The following DNAH14 variants were observed in gnomAD, a reference collection of about 807,000 sequenced individuals.
DNAH14 encodes axonemal beta dynein heavy chain 14.
Under a neutral mutation model 520.9 loss-of-function variants are expected in DNAH14, and 478 were observed. The observed-to-expected ratio is 0.92, with a 90% CI of 0.85 to 0.99. DNAH14 has a LOEUF of 0.99. Ranked by LOEUF, DNAH14 falls within the 50% of genes least tolerant of loss-of-function variation. The pLI, the probability that DNAH14 is intolerant of heterozygous loss-of-function variation, is 0.00. For missense variants in DNAH14, 4,831 were observed against 5,234.5 expected (o/e 0.92, Z 2.38); for synonymous variants, 1,581 against 1,757.2 (o/e 0.90, Z 2.51).
rs1231698935 is a variant in DNAH14 at position 225,345,956 on chromosome 1, C to T, written c.10679-6C>T. 3 of 1,537,232 alleles carry T rather than the reference C, an allele frequency of 2.0e-6. No homozygotes were observed. The highest frequency in any genetic ancestry group is 2.1e-5 in the Admixed American group (1 of 47,834). ...TTATTTAACTTCACTTTTTGTTTGT[C>T]TTTAGGATCCATATTAGATGATGAC... On this transcript the variant is annotated splice_polypyrimidine_tract_variant and splice_region_variant and intron_variant, in intron 69 of 85. Transcript: ENST00000682510.
intron 20 of DNAH14, 146 bp from the exon 21 acceptor site, chr1:225,085,398 T>A (rs937700615): frequency 1.4e-6 from 1 of 701,806 alleles, no homozygotes; most frequent in Non-Finnish European, 2.4e-6. Flanking sequence ...GACCATGAAG[T>A]TGCTGGTAAG....
rs150571874 is a variant in DNAH14 at position 224,964,213 on chromosome 1, T to G, written c.368-266T>G. Among the ~76,000 whole-genome samples the G allele has an allele frequency of 5.3e-5, 8 of 152,262 alleles. No individual in the cohort carries two copies. The East Asian group carries it at 1.5e-3, about 29-fold the overall frequency. ...GAAAAGCCGTATAACCAGTTCCTAT[T>G]CCTAGTCTCTTCTCTTGTTACTACC... is the stretch of plus-strand genomic sequence containing the variant. On this transcript the variant is annotated intron_variant, in intron 4 of 85. Transcript: ENST00000682510.
Position 225,111,564 on chromosome 1 carries a change from G to A in DNAH14, c.3868-6120G>A, listed in dbSNP as rs148033283. The stretch of plus-strand genomic sequence containing the variant: ...TTTCTTATTGGGAGCAGATTGTTGA[G>A]TCTTTTTTTTTAATCTATTCAGCCA... On this transcript the variant is annotated intron_variant, in intron 23 of 85. Coordinates refer to ENST00000682510, the MANE Select transcript of DNAH14 (RefSeq NM_001367479.1). 1.9e-3 allele frequency among the ~76,000 whole-genome samples: 293 copies of A among 151,826 alleles called. 2 individuals are homozygous for A. The highest frequency in any genetic ancestry group is 0.017 in the Admixed American group (261 of 15,242).
intron 21 of DNAH14, among the ~76,000 whole-genome samples, chr1:225,091,629 A>T (rs957787602): frequency 2.0e-5 from 3 of 152,074 alleles, no homozygotes; most frequent in African/African-American, 7.2e-5. Flanking sequence ...TAAAATACAC[A>T]CTTAAATACA....
intron 4 of DNAH14, chr1:224,960,962 A>G (rs1197350593): frequency 6.6e-6 from 1 of 152,136 alleles, no homozygotes; most frequent in Non-Finnish European, 1.5e-5. Flanking sequence ...GGTGGTGTTC[A>G]TGCCCTTGTA....
intron 27 of DNAH14, among the ~76,000 whole-genome samples, chr1:225,137,324 C>CT (rs1202176009): frequency 1.3e-5 from 2 of 151,732 alleles, no homozygotes; most frequent in Non-Finnish European, 1.5e-5. Context: ...TTTGTGGGGT[C>CT]TTTTTTTGTT....
At chr1:225,200,645 C>A (rs1354732066) in intron 38 of DNAH14, among the ~76,000 whole-genome samples, 3 of 152,096 alleles carry the variant, frequency 2.0e-5, no homozygotes, top group African/African-American at 7.2e-5. Context: ...AAATTCTTGG[C>A]TGATAATTGT....
intron 77 of DNAH14, among the ~76,000 whole-genome samples, chr1:225,370,207 G>A (rs1018949909): frequency 1.3e-5 from 2 of 152,066 alleles, no homozygotes; most frequent in Admixed American, 6.6e-5. Flanking sequence ...GCTTGAACCC[G>A]GGAGGTGGAG....
chr1:225,331,990 A>G (rs892406031), intron 65 of DNAH14, among the ~76,000 whole-genome samples: 4 of 152,118 alleles, frequency 2.6e-5, no homozygotes, highest in Admixed American at 2.6e-4. Flanking sequence ...AGTGAAAGTA[A>G]GTTTATTAAG....
intron 17 of DNAH14, 110 bp downstream of exon 17, chr1:225,051,905 A>G: frequency 1.3e-6 from 1 of 771,086 alleles, no homozygotes; most frequent in Non-Finnish European, 1.9e-6. Context: ...GCAGAGTATG[A>G]TAAAGGTGAA....
intron 83 of DNAH14, among the ~76,000 whole-genome samples, chr1:225,390,140 A>G (rs2095888490): frequency 6.6e-6 from 1 of 152,072 alleles, no homozygotes; most frequent in Admixed American, 6.6e-5. Context: ...TCTCTCTGCC[A>G]TTGCTTCTAT....
chr1:225,289,845 GA>G (rs1381737710), intron 54 of DNAH14, 39 bp from the exon 55 acceptor site: 2 of 1,254,656 alleles, frequency 1.6e-6, no homozygotes, highest in Admixed American at 7.7e-5. Flanking sequence ...AAGATTCCCA[GA>G]AAATGTATGT....
At position 224,964,615 on chromosome 1, in the gene DNAH14, G is replaced by A. The variant is rs1001090172; in HGVS notation, c.498+6G>A. 1 of 1,542,440 alleles carries A rather than the reference G, an allele frequency of 6.5e-7. No homozygotes were observed. The highest frequency in any genetic ancestry group is 8.7e-7 in the Non-Finnish European group (1 of 1,145,092). ...TTCAGAAGATTACTTTAAAGGTATT[G>A]TTCTATTTTATTTAATTTTGATCTT... On this transcript the variant is annotated splice_donor_region_variant and intron_variant, in intron 5 of 85. Coordinates refer to ENST00000682510, the MANE Select transcript of DNAH14 (RefSeq NM_001367479.1).
At chr1:225,088,717 G>A (rs2074050437) in intron 21 of DNAH14, among the ~76,000 whole-genome samples, 2 of 152,102 alleles carry the variant, frequency 1.3e-5, no homozygotes, top group Non-Finnish European at 2.9e-5. Flanking sequence ...CTCAAAACCA[G>A]TGGGGAAAAT....
chr1:225,231,271 A>T, intron 42 of DNAH14, 120 bp downstream of exon 42: 1 of 651,208 alleles, frequency 1.5e-6, no homozygotes, highest in Non-Finnish European at 2.5e-6. Context: ...ATCAGAATCC[A>T]CTTAAATTTA....
At chr1:225,094,462 A>G (rs956523094) in intron 21 of DNAH14, among the ~76,000 whole-genome samples, 4 of 152,140 alleles carry the variant, frequency 2.6e-5, no homozygotes, top group Admixed American at 2.0e-4. Flanking sequence ...CTTTCAACAT[A>G]TACAAAAATC....
At chr1:225,113,461 G>C (rs1214653288) in intron 23 of DNAH14, among the ~76,000 whole-genome samples, 1 of 152,158 alleles carries the variant, frequency 6.6e-6, no homozygotes, top group East Asian at 1.9e-4. Flanking sequence ...GCTTGTGCAA[G>C]GTCCACTGTA....
intron 22 of DNAH14, among the ~76,000 whole-genome samples, chr1:225,098,729 A>G (rs1029644759): frequency 1.3e-5 from 2 of 152,184 alleles, no homozygotes; most frequent in African/African-American, 2.4e-5. Context: ...GTCCTTATGG[A>G]TACAACAACT....
intron 12 of DNAH14, among the ~76,000 whole-genome samples, chr1:225,039,583 GA>G (rs75858834): frequency 0.066 from 9,445 of 143,534 alleles, 517 homozygotes; most frequent in East Asian, 0.24. Context: ...TCTTTAGTAT[GA>G]AAAAAAAAAA....
Sources: gnomAD v4.1 joint callset for allele counts (sites outside exome capture counted in the v4.1 genomes callset) on GRCh38, gnomAD v4.1.1 for gene constraint, MANE v1.5 for transcripts, NCBI Gene and HGNC (gene_info 2026-07-23, HGNC 2026-07-21) for gene names.